Variants in KCNH5 observed in about 807,000 individuals in gnomAD.
The protein encoded by KCNH5 is potassium voltage-gated channel subfamily H member 5, also known as voltage-gated delayed rectifier potassium channel KCNH5.
A neutral mutation model predicts 96.1 loss-of-function variants in KCNH5; 46 were observed. The observed-to-expected ratio is 0.48, with a 90% CI of 0.38 to 0.61. KCNH5 has a LOEUF of 0.61. KCNH5 is among the 20% of genes least tolerant of loss of function. The probability of loss-of-function intolerance (pLI) is 0.00; values close to 1 mark genes in which losing one functional copy is unlikely to be tolerated. For synonymous variants in KCNH5, 439 were observed against 449.8 expected, an observed-to-expected ratio of 0.98 and a Z score of 0.30; for missense variants, 907 against 1,225.8, an observed-to-expected ratio of 0.74 and a Z score of 3.88.
At chr14:62,772,395 T>C (rs1457790228) in intron 10 of KCNH5, among the ~76,000 whole-genome samples, 3 of 152,074 alleles carry the variant, frequency 2.0e-5, no homozygotes, top group African/African-American at 7.2e-5. Flanking sequence ...TCCCAGTACT[T>C]CAAGAAGCTG....
chr14:62,790,457 A>G (rs1439016713), intron 9 of KCNH5, among the ~76,000 whole-genome samples: 3 of 151,872 alleles, frequency 2.0e-5, no homozygotes, highest in Admixed American at 6.6e-5. Flanking sequence ...GAATTTTGAT[A>G]GCAATTGCTT....
At chr14:62,769,219 G>A (rs151098766) in intron 10 of KCNH5, among the ~76,000 whole-genome samples, 29 of 152,312 alleles carry the variant, frequency 1.9e-4, no homozygotes, top group Admixed American at 1.2e-3. Flanking sequence ...CGCCTGTGGC[G>A]TGTAAACTGT....
intron 7 of KCNH5, among the ~76,000 whole-genome samples, chr14:62,944,699 C>T (rs1283987291): frequency 6.6e-6 from 1 of 152,146 alleles, no homozygotes; most frequent in Non-Finnish European, 1.5e-5. Flanking sequence ...TGCAAAGGTA[C>T]TATAACACTT....
intron 10 of KCNH5, among the ~76,000 whole-genome samples, chr14:62,740,643 T>C (rs1276663984): frequency 6.6e-6 from 1 of 152,202 alleles, no homozygotes; most frequent in Non-Finnish European, 1.5e-5. Flanking sequence ...CCTTTATTTT[T>C]ATTAAGCTTA....
intron 7 of KCNH5, among the ~76,000 whole-genome samples, chr14:62,853,571 G>GCTT (rs1055745422): frequency 1.2e-4 from 18 of 148,180 alleles, no homozygotes; most frequent in Admixed American, 6.8e-5. Context: ...CATTCCCTCT[G>GCTT]CTTCAGTATA....
intron 8 of KCNH5, among the ~76,000 whole-genome samples, chr14:62,843,757 C>A (rs1887636397): frequency 2.0e-5 from 3 of 152,250 alleles, no homozygotes; most frequent in South Asian, 4.1e-4. Flanking sequence ...AGTTTTCTTA[C>A]AAGACTAGTG....
intron 10 of KCNH5, among the ~76,000 whole-genome samples, chr14:62,735,215 G>GT: frequency 6.6e-6 from 1 of 152,162 alleles, no homozygotes. Context: ...AAAAGGAAGA[G>GT]TAGATATAAT....
At chr14:63,042,381 G>C (rs979444794) in intron 1 of KCNH5, among the ~76,000 whole-genome samples, 1 of 151,916 alleles carries the variant, frequency 6.6e-6, no homozygotes, top group African/African-American at 2.4e-5. Context: ...TATTATCTGG[G>C]TATCTCTCTA....
intron 8 of KCNH5, 65 bp from the exon 9 acceptor site, chr14:62,802,646 C>A (rs896006798): frequency 1.9e-6 from 3 of 1,554,632 alleles, no homozygotes; most frequent in Non-Finnish European, 2.6e-6. Context: ...GAAAAACAAT[C>A]ATCCAACAAA....
intron 6 of KCNH5, among the ~76,000 whole-genome samples, chr14:62,964,228 G>A (rs59927381): frequency 0.015 from 2,337 of 152,072 alleles, 47 homozygotes; most frequent in African/African-American, 0.054. Context: ...TAGGTTCTAA[G>A]GTACCACTGT....
In KCNH5 at chr14:62,802,493, A is replaced by G. The variant is rs1406117275; in HGVS notation, c.1658T>C (p.Leu553Ser). 6.2e-7 allele frequency: 1 copy of G among 1,614,038 alleles called. No individual in the cohort carries two copies. Among genetic ancestry groups the G allele is most frequent in the Non-Finnish European group, 8.5e-7 (1 of 1,180,008 alleles). ...KVFNEHPAFR[L>S]ASDGCLRALA... is the part of the protein sequence containing the mutation. ...GGCGCGCAGACACCCATCGCTGGCC[A>G]ATCGAAAAGCAGGATGTTCATTAAA... The change falls in exon 9 of 11, where the codon TTG (leucine) becomes TCG (serine). Residue 553 changes from leucine (L) to serine (S), a missense_variant. Physicochemically the swap from Leu to Ser is moderately radical, Grantham distance 145 (BLOSUM62 -2). This residue lies in a region of KCNH5 where 95 missense variants were observed against 111.8 expected (regional missense o/e 0.85). Coordinates refer to ENST00000322893, the MANE Select transcript of KCNH5 (RefSeq NM_139318.5).
chr14:62,740,282 T>C (rs1005878064), intron 10 of KCNH5, among the ~76,000 whole-genome samples: 1 of 152,204 alleles, frequency 6.6e-6, no homozygotes, highest in Non-Finnish European at 1.5e-5. Context: ...CTTGTCATTA[T>C]ATGTCATCTT....
intron 8 of KCNH5, among the ~76,000 whole-genome samples, chr14:62,805,300 G>A (rs548548565): frequency 1.3e-5 from 2 of 152,262 alleles, no homozygotes; most frequent in Non-Finnish European, 2.9e-5. Context: ...CATGTCAAAA[G>A]AGGATTTTAT....
At chr14:62,792,735 G>A (rs1378876355) in intron 9 of KCNH5, among the ~76,000 whole-genome samples, 1 of 151,416 alleles carries the variant, frequency 6.6e-6, no homozygotes, top group Non-Finnish European at 1.5e-5. Context: ...TTCAATTAAC[G>A]AATCTGACAT....
intron 10 of KCNH5, among the ~76,000 whole-genome samples, chr14:62,747,548 C>A (rs1885404520): frequency 6.6e-6 from 1 of 152,108 alleles, no homozygotes; most frequent in South Asian, 2.1e-4. Flanking sequence ...GGGTTCTCAG[C>A]CAAATGATAG....
intron 7 of KCNH5, among the ~76,000 whole-genome samples, chr14:62,888,499 C>G (rs1428390125): frequency 3.3e-5 from 5 of 152,118 alleles, no homozygotes; most frequent in African/African-American, 4.8e-5. Context: ...GCATCTGAAA[C>G]AGATGATCTC....
chr14:62,724,468 C>G (rs1327502214), intron 10 of KCNH5, among the ~76,000 whole-genome samples: 1 of 152,122 alleles, frequency 6.6e-6, no homozygotes, highest in Non-Finnish European at 1.5e-5. Context: ...TAAATTATTC[C>G]TAAGGTAACT....
At chr14:63,044,324 T>C (rs1274405275) in intron 1 of KCNH5, among the ~76,000 whole-genome samples, 1 of 152,194 alleles carries the variant, frequency 6.6e-6, no homozygotes, top group African/African-American at 2.4e-5. Flanking sequence ...AGGAAATGAA[T>C]GTATAAATGG....
chr14:63,030,546 C>T (rs1262071721), intron 1 of KCNH5, among the ~76,000 whole-genome samples: 2 of 152,164 alleles, frequency 1.3e-5, no homozygotes, highest in Non-Finnish European at 2.9e-5. Flanking sequence ...ATCTTGACTG[C>T]ACAGTTGAGT....
Sources: allele counts gnomAD v4.1 joint callset (sites outside exome capture counted in the v4.1 genomes callset), GRCh38; gene constraint gnomAD v4.1.1; regional missense constraint gnomAD v4.1.1; transcripts MANE v1.5; gene names NCBI Gene and HGNC (gene_info 2026-07-23, HGNC 2026-07-21).